AGBL4: variants seen among roughly 807,000 people sequenced by gnomAD.
AGBL4 encodes the protein cytosolic carboxypeptidase 6.
A neutral mutation model predicts 66.4 loss-of-function variants in AGBL4; 58 were observed. The observed-to-expected ratio is 0.87, with a 90% confidence interval of 0.71 to 1.09. AGBL4 has a LOEUF of 1.09. Among genes scored for constraint, AGBL4 ranks in the 50% least tolerant of loss-of-function variants. The pLI is 0.00. For missense variants in AGBL4, 579 were observed against 631.0 expected (o/e 0.92, Z 0.88); for synonymous variants, 234 against 222.9 (o/e 1.05, Z -0.44).
At chr1:49,068,328 C>T (rs1644530751) in intron 4 of AGBL4, among the ~76,000 whole-genome samples, 2 of 151,524 alleles carry the variant, frequency 1.3e-5, no homozygotes, top group African/African-American at 4.8e-5. Context: ...TTTGCTGCAC[C>T]CATCAACTCA....
intron 6 of AGBL4, among the ~76,000 whole-genome samples, chr1:48,717,856 C>T (rs1367290884): frequency 1.3e-5 from 2 of 152,186 alleles, no homozygotes; most frequent in African/African-American, 2.4e-5. Context: ...AATAATCTAA[C>T]CTCTCTGGGC....
At position 49,966,341 on chromosome 1, in the gene AGBL4, G is replaced by T. The variant is rs180796303; in HGVS notation, c.34+57422C>A. Among the ~76,000 whole-genome samples the T allele has an allele frequency of 3.9e-5, 6 of 152,242 alleles. No individual in the cohort carries two copies. The East Asian group carries it at 1.2e-3, about 29-fold the overall frequency. ...AATTGTAATTACTTGACATAAAATT[G>T]TATCCTGTTTCTGCATGTAACTTAA... On this transcript the variant is annotated intron_variant, in intron 1 of 13. Transcript: ENST00000371839.
intron 2 of AGBL4, among the ~76,000 whole-genome samples, chr1:49,840,386 G>A (rs1001440662): frequency 2.0e-5 from 3 of 151,906 alleles, no homozygotes; most frequent in Non-Finnish European, 4.4e-5. Context: ...GCAGTCTATC[G>A]ATCTTGTTTA....
intron 3 of AGBL4, among the ~76,000 whole-genome samples, chr1:49,635,286 G>C (rs1194401471): frequency 2.6e-5 from 4 of 152,138 alleles, no homozygotes; most frequent in Non-Finnish European, 4.4e-5. Context: ...TAAAATGAGA[G>C]ATCTTTTAGA....
At chr1:49,850,872 C>T (rs571524582) in intron 2 of AGBL4, among the ~76,000 whole-genome samples, 1 of 152,100 alleles carries the variant, frequency 6.6e-6, no homozygotes, top group Non-Finnish European at 1.5e-5. Context: ...CTAGTCCCTA[C>T]TGGATGAAAA....
chr1:49,394,274 AT>A lies in AGBL4; in HGVS notation c.283-148411del, dbSNP rs550700347. Among the ~76,000 whole-genome samples the A allele has an allele frequency of 3.4e-3, 518 of 152,136 alleles. 1 individual carries two copies. Among genetic ancestry groups the A allele is most frequent in the African/African-American group, 0.012 (488 of 41,508 alleles). On this transcript the variant is annotated intron_variant, in intron 3 of 13. Coordinates refer to ENST00000371839, the MANE Select transcript of AGBL4 (RefSeq NM_032785.4). ...GCAACAAAACTGCACTTTGAGGAGAATGACCACTGGGTTGATTAAGATTTGA... is the reference window on the plus strand; with the variant it reads ...GCAACAAAACTGCACTTTGAGGAGAAGACCACTGGGTTGATTAAGATTTGA...
At chr1:49,227,252 G>A (rs549802977) in intron 4 of AGBL4, among the ~76,000 whole-genome samples, 16 of 151,568 alleles carry the variant, frequency 1.1e-4, no homozygotes, top group African/African-American at 2.2e-4. Flanking sequence ...TTTTTTCCTC[G>A]TCATTTCATC....
intron 4 of AGBL4, among the ~76,000 whole-genome samples, chr1:49,067,037 A>G (rs1246656672): frequency 2.0e-5 from 3 of 152,162 alleles, no homozygotes; most frequent in Non-Finnish European, 4.4e-5. Context: ...TACCTCACCA[A>G]GAGAAATTCA....
At chr1:48,607,745 C>G (rs1036923297) in intron 9 of AGBL4, among the ~76,000 whole-genome samples, 2 of 152,118 alleles carry the variant, frequency 1.3e-5, no homozygotes, top group Non-Finnish European at 2.9e-5. Flanking sequence ...AACACATCTA[C>G]TTTTATACAC....
At chr1:49,722,910 A>C (rs1648721018) in intron 2 of AGBL4, among the ~76,000 whole-genome samples, 1 of 152,132 alleles carries the variant, frequency 6.6e-6, no homozygotes, top group Admixed American at 6.6e-5. Flanking sequence ...AGAGGTACTG[A>C]AATGTGGCAG....
At chr1:49,530,288 T>C (rs1048927712) in intron 3 of AGBL4, among the ~76,000 whole-genome samples, 3 of 41,060 alleles carry the variant, frequency 7.3e-5, no homozygotes. Context: ...AAAAACTCTA[T>C]GAGTTTTTTT....
At chr1:49,579,911 G>GGA (rs1328595631) in intron 3 of AGBL4, among the ~76,000 whole-genome samples, 1 of 152,164 alleles carries the variant, frequency 6.6e-6, no homozygotes, top group South Asian at 2.1e-4. Context: ...GTGGGGTATT[G>GGA]AAGTCCCCTG....
At position 49,185,179 on chromosome 1, in the gene AGBL4, TG is replaced by T. The variant is rs369529203; in HGVS notation, c.377+60590del. Among the ~76,000 whole-genome samples, 236 of 152,320 alleles carry T rather than the reference TG, an allele frequency of 1.5e-3. 2 individuals carry two copies. The highest frequency in any genetic ancestry group is 5.5e-3 in the African/African-American group (229 of 41,566). On this transcript the variant is annotated intron_variant, in intron 4 of 13. Coordinates refer to ENST00000371839, the MANE Select transcript of AGBL4 (RefSeq NM_032785.4). ...AGTCCATATTGTGTTCCATAGGCTC[TG>T]TGGAGATGCCCGTAAGTAAGACAGA...
intron 3 of AGBL4, among the ~76,000 whole-genome samples, chr1:49,657,730 C>G (rs1003552973): frequency 6.6e-6 from 1 of 152,128 alleles, no homozygotes; most frequent in African/African-American, 2.4e-5. Flanking sequence ...TGATCTTTGA[C>G]AAACCTGACA....
intron 9 of AGBL4, among the ~76,000 whole-genome samples, chr1:48,620,802 A>G (rs796668513): frequency 9.9e-5 from 15 of 152,258 alleles, no homozygotes; most frequent in African/African-American, 3.6e-4. Flanking sequence ...AGACCACACT[A>G]TATAAGTGCT....
At chr1:49,063,950 T>C (rs1198574865) in intron 4 of AGBL4, among the ~76,000 whole-genome samples, 1 of 152,214 alleles carries the variant, frequency 6.6e-6, no homozygotes, top group East Asian at 1.9e-4. Context: ...AGAGAGATAT[T>C]AGAGGCTAAC....
intron 3 of AGBL4, among the ~76,000 whole-genome samples, chr1:49,337,149 T>C (rs968485870): frequency 1.3e-5 from 2 of 152,172 alleles, no homozygotes; most frequent in Non-Finnish European, 2.9e-5. Flanking sequence ...CAGAGATAAC[T>C]GAGATGGCAT....
chr1:49,041,718 C>T (rs895912037), intron 5 of AGBL4, among the ~76,000 whole-genome samples: 34 of 152,074 alleles, frequency 2.2e-4, no homozygotes, highest in African/African-American at 5.8e-4. Context: ...GTAAGAAACC[C>T]GGTATGTGTG....
intron 4 of AGBL4, among the ~76,000 whole-genome samples, chr1:49,244,218 T>C (rs1038793156): frequency 4.0e-5 from 6 of 151,864 alleles, no homozygotes; most frequent in African/African-American, 1.4e-4. Flanking sequence ...ATATACAATG[T>C]CATTTCGAAG....
Sources: gnomAD v4.1 joint callset for allele counts (sites outside exome capture counted in the v4.1 genomes callset) on GRCh38, gnomAD v4.1.1 for gene constraint, MANE v1.5 for transcripts, NCBI Gene and HGNC (gene_info 2026-07-23, HGNC 2026-07-21) for gene names.